BASP1: variants seen among roughly 807,000 people sequenced by gnomAD.
The protein encoded by BASP1 is brain abundant membrane attached signal protein 1, also known as brain acid soluble protein 1.
Under a neutral mutation model 2.2 loss-of-function variants are expected in BASP1, and 1 was observed. The ratio of observed to expected loss-of-function variants is 0.46; its 90% CI spans 0.16 to 2.17. BASP1 has a LOEUF of 2.17. BASP1 is among the 30% of genes most tolerant of loss of function. The probability of loss-of-function intolerance (pLI) is 0.27; values close to 1 mark genes in which losing one functional copy is unlikely to be tolerated. For synonymous variants in BASP1, 187 were observed against 154.2 expected, an observed-to-expected ratio of 1.21 and a Z score of -1.58; for missense variants, 352 against 327.2, an observed-to-expected ratio of 1.08 and a Z score of -0.58.
chr5:17,224,294 T>C (rs1365278161), intron 1 of BASP1, among the ~76,000 whole-genome samples: 1 of 152,198 alleles, frequency 6.6e-6, no homozygotes, highest in African/African-American at 2.4e-5. Context: ...TCATATATTT[T>C]ACTCTATCTG....
At chr5:17,262,850 C>CTT (rs562064794) in intron 1 of BASP1, among the ~76,000 whole-genome samples, 2,423 of 132,970 alleles carry the variant, frequency 0.018, 57 homozygotes, top group African/African-American at 0.075. Context: ...ATCAAATCTT[C>CTT]TTTTTTTTTT....
chr5:17,275,518 C>G lies in BASP1; in HGVS notation c.302C>G (p.Pro101Arg), dbSNP rs561516254. 6 of 1,440,580 alleles carry G rather than the reference C, an allele frequency of 4.2e-6. No homozygotes were observed. The highest frequency in any genetic ancestry group is 2.7e-5 in the East Asian group (1 of 36,680). The allele number at this position is 1,440,580 out of a possible 1,614,324, so 89.2% of individuals were successfully genotyped here. A position where few individuals can be genotyped will look rare whatever the true frequency, so the allele number is the denominator to read the frequency against. ...GCGGCAGAGGCCAAGGCTGAGCCCC[C>G]GAAGGCGCCCGAGCAGGAGCAGGCG... ...EGAAEAKAEP[P>R]KAPEQEQAAP... The change falls in exon 2 of 2, where the codon CCG becomes CGG. Residue 101 changes from proline (P) to arginine (R), a missense_variant. By Grantham distance (103) the Pro-to-Arg change is moderately radical. Transcript: ENST00000322611. This position sits in a 1 kb window ranked among gnomAD's most constrained non-coding sequence, Gnocchi z 5.3.
chr5:17,248,687 G>T (rs1296125299), intron 1 of BASP1, among the ~76,000 whole-genome samples: 1 of 152,166 alleles, frequency 6.6e-6, no homozygotes, highest in African/African-American at 2.4e-5. Flanking sequence ...TGTAGAATGT[G>T]AATGATTTCC....
intron 1 of BASP1, among the ~76,000 whole-genome samples, chr5:17,219,232 T>A (rs917042721): frequency 6.6e-5 from 10 of 151,324 alleles, no homozygotes; most frequent in Admixed American, 4.0e-4. Context: ...GAGAGCAGGG[T>A]GTGGAGGGCC....
At chr5:17,257,008 C>T (rs1421450659) in intron 1 of BASP1, among the ~76,000 whole-genome samples, 1 of 152,184 alleles carries the variant, frequency 6.6e-6, no homozygotes, top group Non-Finnish European at 1.5e-5. Flanking sequence ...AACCTAAAGC[C>T]AGTAAGATGG....
chr5:17,256,536 T>A (rs1384797379), intron 1 of BASP1, among the ~76,000 whole-genome samples: 1 of 152,202 alleles, frequency 6.6e-6, no homozygotes, highest in African/African-American at 2.4e-5. Flanking sequence ...GTGCAAAAAC[T>A]AAAAATTATA....
chr5:17,232,198 T>C (rs891898303), intron 1 of BASP1, among the ~76,000 whole-genome samples: 5 of 152,180 alleles, frequency 3.3e-5, no homozygotes, highest in African/African-American at 1.2e-4. Context: ...TAGTATTACA[T>C]TGTGGGAACC....
At chr5:17,241,363 G>T (rs1425715265) in intron 1 of BASP1, among the ~76,000 whole-genome samples, 1 of 152,176 alleles carries the variant, frequency 6.6e-6, no homozygotes, top group Non-Finnish European at 1.5e-5. Context: ...GCTTCCCAAA[G>T]TGTTGTGATT....
chr5:17,249,348 C>G (rs1372835910), intron 1 of BASP1, among the ~76,000 whole-genome samples: 2 of 152,152 alleles, frequency 1.3e-5, no homozygotes, highest in African/African-American at 4.8e-5. Context: ...AGCAGCAAGT[C>G]AGGATTTTTA....
intron 1 of BASP1, among the ~76,000 whole-genome samples, chr5:17,241,878 C>G (rs144942532): frequency 6.6e-6 from 1 of 152,128 alleles, no homozygotes; most frequent in Non-Finnish European, 1.5e-5. Context: ...GGAGCTGGCA[C>G]GCAAACTCAG....
At chr5:17,223,464 G>A (rs910495108) in intron 1 of BASP1, among the ~76,000 whole-genome samples, 8 of 152,170 alleles carry the variant, frequency 5.3e-5, no homozygotes, top group Non-Finnish European at 1.0e-4. Context: ...ATTATTGCAA[G>A]ACAGGCCAAT....
chr5:17,240,102 T>C (rs1347433637), intron 1 of BASP1, among the ~76,000 whole-genome samples: 11 of 150,710 alleles, frequency 7.3e-5, no homozygotes, highest in African/African-American at 2.7e-4. Context: ...AGTGCTCTTA[T>C]AGAACATGTT....
chr5:17,230,293 A>G (rs558706053), intron 1 of BASP1, among the ~76,000 whole-genome samples: 27 of 152,320 alleles, frequency 1.8e-4, no homozygotes, highest in Non-Finnish European at 2.6e-4. Flanking sequence ...GACAGAAGGC[A>G]GGGGCTTGAA....
At position 17,234,846 on chromosome 5, in the gene BASP1, T is replaced by C. The variant is rs1739709976; in HGVS notation, c.-10+17036T>C. Among the ~76,000 whole-genome samples, 4 of 152,350 alleles carry C rather than the reference T, an allele frequency of 2.6e-5. No homozygotes were observed. In the South Asian group the frequency reaches 8.3e-4, roughly 32 times the overall value. On this transcript the variant is annotated intron_variant, in intron 1 of 1. Transcript: ENST00000322611. ...TTCAATCTGTCCCTAGATCCACCTC[T>C]TTTGCCTGACTAAGCCATGTGAGAT...
chr5:17,218,708 A>T (rs2126483484), intron 1 of BASP1, among the ~76,000 whole-genome samples: 1 of 152,140 alleles, frequency 6.6e-6, no homozygotes, highest in Non-Finnish European at 1.5e-5. Flanking sequence ...CAAAGCGCTA[A>T]AGCTGAAACC....
intron 1 of BASP1, among the ~76,000 whole-genome samples, chr5:17,223,432 A>T (rs1351256929): frequency 2.6e-5 from 4 of 152,124 alleles, no homozygotes; most frequent in Admixed American, 2.0e-4. Context: ...ATAGCTACTC[A>T]TATGTTTGTT....
At chr5:17,273,654 A>G (rs1056442803) in intron 1 of BASP1, among the ~76,000 whole-genome samples, 2 of 152,214 alleles carry the variant, frequency 1.3e-5, no homozygotes, top group Non-Finnish European at 2.9e-5. Context: ...GATTCCAAGG[A>G]AGTAATAAAC....
At chr5:17,259,139 T>C (rs1349350740) in intron 1 of BASP1, among the ~76,000 whole-genome samples, 1 of 152,156 alleles carries the variant, frequency 6.6e-6, no homozygotes, top group Non-Finnish European at 1.5e-5. Flanking sequence ...CTCACAATCA[T>C]GGGGGAAGGT....
intron 1 of BASP1, among the ~76,000 whole-genome samples, chr5:17,246,228 T>C (rs529378184): frequency 2.4e-4 from 36 of 151,916 alleles, no homozygotes; most frequent in Non-Finnish European, 4.3e-4. Context: ...ACGCCTGTAA[T>C]CCCAGCACTT....
Sources: gnomAD v4.1 joint callset for allele counts (sites outside exome capture counted in the v4.1 genomes callset) on GRCh38, gnomAD v4.1.1 for gene constraint, Gnocchi (gnomAD v3.1) non-coding constraint, MANE v1.5 for transcripts, NCBI Gene and HGNC (gene_info 2026-07-23, HGNC 2026-07-21) for gene names.